Variants in NYAP2 observed in about 807,000 individuals in gnomAD.
NYAP2 encodes neuronal tyrosine-phosphorylated phosphoinositide-3-kinase adapter 2.
NYAP2 carries 23 observed loss-of-function variants against 50.4 expected under a neutral mutation model. The observed-to-expected ratio is 0.46, with a 90% CI of 0.33 to 0.65. NYAP2 has a LOEUF of 0.65. Ranked by LOEUF, NYAP2 falls within the 30% of genes least tolerant of loss-of-function variation. The pLI is 0.02. For missense variants in NYAP2, 885 were observed against 861.0 expected (o/e 1.03, Z -0.35); for synonymous variants, 394 against 365.2 (o/e 1.08, Z -0.90).
intron 6 of NYAP2, among the ~76,000 whole-genome samples, chr2:225,647,593 T>C (rs1430537162): frequency 1.3e-5 from 2 of 152,162 alleles, no homozygotes; most frequent in Non-Finnish European, 2.9e-5. Context: ...TTATAACAGG[T>C]TCTTTGTTAC....
the NYAP2 span, among the ~76,000 whole-genome samples, chr2:225,678,907 G>A: frequency 1.3e-5 from 2 of 152,030 alleles, no homozygotes; most frequent in Non-Finnish European, 2.9e-5. Context: ...GAAAAATAGA[G>A]GTAATTAAGA....
intron 4 of NYAP2, among the ~76,000 whole-genome samples, chr2:225,569,561 A>G (rs1172603218): frequency 2.0e-5 from 3 of 152,112 alleles, no homozygotes; most frequent in Non-Finnish European, 1.5e-5. Context: ...GCAGGAATAA[A>G]CTCAGTGTTT....
intron 3 of NYAP2, among the ~76,000 whole-genome samples, chr2:225,424,737 T>C (rs1695261555): frequency 6.6e-6 from 1 of 152,110 alleles, no homozygotes; most frequent in Non-Finnish European, 1.5e-5. Flanking sequence ...GACTTAGTTC[T>C]CATAAATCTA....
chr2:225,406,508 G>A (rs1694942561), intron 2 of NYAP2, among the ~76,000 whole-genome samples: 1 of 151,782 alleles, frequency 6.6e-6, no homozygotes, highest in Non-Finnish European at 1.5e-5. Flanking sequence ...GACATCTAGA[G>A]GGACACAATT....
chr2:225,681,114 A>C, the NYAP2 span, among the ~76,000 whole-genome samples: 3 of 152,196 alleles, frequency 2.0e-5, no homozygotes, highest in Non-Finnish European at 4.4e-5. Flanking sequence ...TTAATCACAT[A>C]AAGTGCAACA....
chr2:225,690,659 C>T, the NYAP2 span, among the ~76,000 whole-genome samples: 54 of 152,082 alleles, frequency 3.6e-4, 1 homozygote, highest in South Asian at 3.7e-3. Flanking sequence ...TTCTAACATA[C>T]GGCTTTTCCT....
downstream of NYAP2, among the ~76,000 whole-genome samples, chr2:225,657,888 T>C (rs563646636): frequency 2.0e-5 from 3 of 152,332 alleles, no homozygotes; most frequent in African/African-American, 7.2e-5. Flanking sequence ...ACAGAATATG[T>C]AGTTGGAGAG....
intron 3 of NYAP2, among the ~76,000 whole-genome samples, chr2:225,496,379 A>C (rs896608748): frequency 3.9e-5 from 6 of 152,136 alleles, no homozygotes; most frequent in Non-Finnish European, 7.4e-5. Flanking sequence ...TATATTTAAC[A>C]CTGTGTCTCA....
intron 5 of NYAP2, among the ~76,000 whole-genome samples, chr2:225,609,768 T>C (rs1692848494): frequency 6.6e-6 from 1 of 152,158 alleles, no homozygotes; most frequent in Non-Finnish European, 1.5e-5. Context: ...AACTCAATGA[T>C]ATTAAAGTGT....
intron 5 of NYAP2, among the ~76,000 whole-genome samples, chr2:225,583,740 A>G (rs979549558): frequency 1.3e-5 from 2 of 152,148 alleles, no homozygotes; most frequent in African/African-American, 2.4e-5. Context: ...CCTTCATCTT[A>G]TATTAAAACA....
chr2:225,622,635 A>G (rs1241728096), intron 5 of NYAP2, among the ~76,000 whole-genome samples: 1 of 144,814 alleles, frequency 6.9e-6, no homozygotes, highest in African/African-American at 2.6e-5. Context: ...GCTGGAGTGC[A>G]GTGGCTCGAT....
the NYAP2 span, among the ~76,000 whole-genome samples, chr2:225,683,049 A>G: frequency 1.3e-5 from 2 of 152,130 alleles, no homozygotes; most frequent in East Asian, 1.9e-4. Context: ...TCTTCCCAGT[A>G]TTATTCCTCT....
At chr2:225,587,880 C>T (rs566581049) in intron 5 of NYAP2, among the ~76,000 whole-genome samples, 2 of 150,652 alleles carry the variant, frequency 1.3e-5, no homozygotes, top group South Asian at 2.1e-4. Flanking sequence ...ATTGGAGATT[C>T]GTAAGTTTTT....
intron 3 of NYAP2, among the ~76,000 whole-genome samples, chr2:225,440,443 A>C (rs1689451362): frequency 6.6e-6 from 1 of 152,218 alleles, no homozygotes; most frequent in African/African-American, 2.4e-5. Context: ...TCAAATATTC[A>C]CAAAAAGCAA....
At chr2:225,660,353 A>C in the NYAP2 span, among the ~76,000 whole-genome samples, 9 of 152,048 alleles carry the variant, frequency 5.9e-5, no homozygotes, top group Admixed American at 5.9e-4. Context: ...GAATTAAGGT[A>C]GGAGAAAATA....
intron 4 of NYAP2, among the ~76,000 whole-genome samples, chr2:225,518,536 AT>A (rs1214933058): frequency 1.3e-4 from 7 of 54,162 alleles, no homozygotes; most frequent in South Asian, 1.8e-3. Context: ...ATATATATAT[AT>A]ATATATATAT....
chr2:225,454,197 G>A (rs1471824284), intron 3 of NYAP2, among the ~76,000 whole-genome samples: 1 of 151,980 alleles, frequency 6.6e-6, no homozygotes, highest in Admixed American at 6.6e-5. Flanking sequence ...ATTATGGCAT[G>A]TGCCTGAAAT....
the NYAP2 span, among the ~76,000 whole-genome samples, chr2:225,680,644 A>G: frequency 1.3e-5 from 2 of 152,126 alleles, no homozygotes; most frequent in Non-Finnish European, 2.9e-5. Context: ...TTCATTTTTT[A>G]TAGTAGAAAG....
intron 4 of NYAP2, among the ~76,000 whole-genome samples, chr2:225,525,662 C>A (rs1691137790): frequency 6.6e-6 from 1 of 152,116 alleles, no homozygotes; most frequent in African/African-American, 2.4e-5. Flanking sequence ...GAAAAATCAT[C>A]TAGTGGATAC....
Sources: gnomAD v4.1 joint callset for allele counts (sites outside exome capture counted in the v4.1 genomes callset) on GRCh38, gnomAD v4.1.1 for gene constraint, MANE v1.5 for transcripts, NCBI Gene and HGNC (gene_info 2026-07-23, HGNC 2026-07-21) for gene names.